The following LIN9 variants were observed in gnomAD, a reference collection of about 807,000 sequenced individuals.
LIN9 encodes lin-9 DREAM MuvB core complex component, also known as protein lin-9 homolog.
A neutral mutation model predicts 78.0 loss-of-function variants in LIN9; 18 were observed. That is an observed-to-expected ratio of 0.23 (90% CI 0.16 to 0.34). The LOEUF is 0.34. LIN9 is among the 10% of genes least tolerant of loss of function. The pLI is 1.00. For missense variants in LIN9, 451 were observed against 644.1 expected (o/e 0.70, Z 3.25); for synonymous variants, 192 against 215.2 (o/e 0.89, Z 0.94).
chr1:226,288,894 CAAGTT>C (rs1175538617), intron 4 of LIN9, among the ~76,000 whole-genome samples: 1 of 151,778 alleles, frequency 6.6e-6, no homozygotes, highest in Non-Finnish European at 1.5e-5. Flanking sequence ...TTTTCCTAGT[CAAGTT>C]GATTCTAAAG....
Position 226,255,064 on chromosome 1 carries a change from A to C in LIN9, c.1039-4145T>G, listed in dbSNP as rs1000217648. 5.3e-5 allele frequency among the ~76,000 whole-genome samples: 8 copies of C among 152,306 alleles called. No individual in the cohort carries two copies. In the South Asian group the frequency reaches 6.2e-4, roughly 12 times the overall value. The stretch of plus-strand genomic sequence containing the variant: ...CAGAAACCCATGAGCAAAAACCTCT[A>C]GGAACCAGTGCTTGGGTAGGGAAAA... On this transcript the variant is annotated intron_variant, in intron 10 of 14. Coordinates refer to ENST00000681046, the MANE Select transcript of LIN9 (RefSeq NM_001366245.2).
chr1:226,236,797 A>AT (rs1657748879), intron 12 of LIN9, among the ~76,000 whole-genome samples: 2 of 152,172 alleles, frequency 1.3e-5, no homozygotes, highest in African/African-American at 4.8e-5. Context: ...TGTGAGATCC[A>AT]TCTATGGCAC....
At chr1:226,241,385 GTT>G (rs1558155586) in intron 11 of LIN9, among the ~76,000 whole-genome samples, 1 of 152,134 alleles carries the variant, frequency 6.6e-6, no homozygotes, top group African/African-American at 2.4e-5. Context: ...CTCAGAACTA[GTT>G]AATCAAAATC....
At chr1:226,264,393 C>CAAAT (rs1448805394) in intron 10 of LIN9, among the ~76,000 whole-genome samples, 1 of 151,246 alleles carries the variant, frequency 6.6e-6, no homozygotes, top group East Asian at 2.0e-4. Flanking sequence ...AATAAATAAA[C>CAAAT]AAATAAATAA....
chr1:226,266,854 A>C (rs1240916134), intron 8 of LIN9, among the ~76,000 whole-genome samples: 6 of 151,266 alleles, frequency 4.0e-5, no homozygotes, highest in Non-Finnish European at 8.8e-5. Context: ...ATCTCGGATC[A>C]CTGCAGCCTC....
At chr1:226,244,068 G>C (rs930104095) in intron 11 of LIN9, among the ~76,000 whole-genome samples, 1 of 151,410 alleles carries the variant, frequency 6.6e-6, no homozygotes, top group African/African-American at 2.4e-5. Context: ...TAGAGGTGGG[G>C]TTTCACCATG....
Position 226,297,767 on chromosome 1 carries a change from C to A in LIN9, c.111G>T (p.Gln37His). The change falls in exon 3 of 15, where the codon CAG becomes CAT. Residue 37 changes from glutamine to histidine, a missense_variant. Coordinates refer to ENST00000681046, the MANE Select transcript of LIN9 (RefSeq NM_001366245.2). ...NTWNEKYSSL[Q>H]KTPVWKGRNT... ...TCCTGCCTTTCCAAACAGGTGTTTT[C>A]TGTAAAGAACTGTACTTTTCATTCC... The A allele has an allele frequency of 6.3e-7, 1 of 1,595,666 alleles. No homozygotes were observed. The highest frequency in any genetic ancestry group is 1.1e-5 in the South Asian group (1 of 87,148).
At chr1:226,241,424 C>T (rs1324147157) in intron 11 of LIN9, among the ~76,000 whole-genome samples, 3 of 152,196 alleles carry the variant, frequency 2.0e-5, no homozygotes, top group African/African-American at 7.2e-5. Context: ...CTATCTCTTA[C>T]AGCGAATTTG....
intron 11 of LIN9, among the ~76,000 whole-genome samples, chr1:226,240,819 G>C (rs1658063034): frequency 6.6e-6 from 1 of 152,158 alleles, no homozygotes; most frequent in Non-Finnish European, 1.5e-5. Context: ...CAAGTAGCTT[G>C]GACTACAGGC....
At chr1:226,260,627 AG>A (rs1558171795) in intron 10 of LIN9, among the ~76,000 whole-genome samples, 9 of 70,804 alleles carry the variant, frequency 1.3e-4, no homozygotes, top group East Asian at 5.0e-4. Flanking sequence ...CGGCCAAATG[AG>A]TTTTTTTTTT....
chr1:226,271,146 T>C (rs1660247891), intron 7 of LIN9, among the ~76,000 whole-genome samples: 1 of 152,338 alleles, frequency 6.6e-6, no homozygotes, highest in East Asian at 1.9e-4. Context: ...TTCTATATAC[T>C]GTAGCTAAAG....
At chr1:226,272,859 C>A (rs1030902023) in intron 7 of LIN9, among the ~76,000 whole-genome samples, 5 of 152,120 alleles carry the variant, frequency 3.3e-5, no homozygotes, top group Admixed American at 2.6e-4. Context: ...TGTAGGGTCC[C>A]AGAGCTTGGG....
chr1:226,269,569 T>C (rs1041796820), intron 7 of LIN9, among the ~76,000 whole-genome samples: 1 of 152,192 alleles, frequency 6.6e-6, no homozygotes, highest in African/African-American at 2.4e-5. Context: ...CACCCACTAC[T>C]ACCACCAACG....
intron 12 of LIN9, among the ~76,000 whole-genome samples, chr1:226,238,648 T>G (rs1023158043): frequency 2.2e-4 from 33 of 151,634 alleles, no homozygotes; most frequent in Admixed American, 1.4e-3. Flanking sequence ...AATAAATAAA[T>G]AAAGAAGAAG....
chr1:226,254,127 C>T (rs577109094), intron 10 of LIN9, among the ~76,000 whole-genome samples: 10 of 152,100 alleles, frequency 6.6e-5, no homozygotes, highest in Non-Finnish European at 1.3e-4. Context: ...CAGATGGGGT[C>T]TCACTATGTT....
At chr1:226,256,439 C>G (rs1373425275) in intron 10 of LIN9, among the ~76,000 whole-genome samples, 1 of 151,944 alleles carries the variant, frequency 6.6e-6, no homozygotes, top group East Asian at 1.9e-4. Context: ...ATAGCTCACG[C>G]CTGTAATCTC....
chr1:226,296,033 C>G (rs1662128935), intron 3 of LIN9, 87 bp from the exon 4 acceptor site: 3 of 824,866 alleles, frequency 3.6e-6, no homozygotes, highest in Non-Finnish European at 5.8e-6. Context: ...GAAAACTGAG[C>G]TAACTCTGGA....
chr1:226,266,397 T>C (rs1407858074), intron 8 of LIN9, 65 bp from the exon 9 acceptor site: 3 of 1,384,656 alleles, frequency 2.2e-6, no homozygotes, highest in South Asian at 2.9e-5. Flanking sequence ...TTTATAATCA[T>C]TGTATTTCAG....
chr1:226,234,560 G>A (rs892434264), intron 12 of LIN9, among the ~76,000 whole-genome samples: 1 of 152,082 alleles, frequency 6.6e-6, no homozygotes, highest in African/African-American at 2.4e-5. Context: ...TTACTTCCTT[G>A]GCATAATAAG....
Sources: allele counts gnomAD v4.1 joint callset (sites outside exome capture counted in the v4.1 genomes callset), GRCh38; gene constraint gnomAD v4.1.1; transcripts MANE v1.5; gene names NCBI Gene and HGNC (gene_info 2026-07-23, HGNC 2026-07-21).